CDH10: variants seen among roughly 807,000 people sequenced by gnomAD.
The protein encoded by CDH10 is cadherin-10.
In CDH10, 30 loss-of-function variants were observed where a neutral mutation model predicts 73.1. The ratio of observed to expected loss-of-function variants is 0.41; its 90% CI spans 0.31 to 0.56. The LOEUF is 0.56. Among genes scored for constraint, CDH10 ranks in the 20% least tolerant of loss-of-function variants. CDH10 has a pLI of 0.27. For synonymous variants in CDH10, 345 were observed against 348.2 expected (o/e 0.99, Z 0.10); for missense variants, 815 against 973.7 (o/e 0.84, Z 2.17).
At chr5:24,511,155 A>C (rs1179525947) in intron 6 of CDH10, among the ~76,000 whole-genome samples, 172 bp downstream of exon 6, 1 of 152,212 alleles carries the variant, frequency 6.6e-6, no homozygotes, top group East Asian at 1.9e-4. Context: ...ATGTGGTCAA[A>C]ATTTTCAAGG....
At chr5:24,521,316 G>A (rs937729499) in intron 5 of CDH10, among the ~76,000 whole-genome samples, 2 of 152,130 alleles carry the variant, frequency 1.3e-5, no homozygotes, top group Non-Finnish European at 2.9e-5. Context: ...AGGCCGAGGT[G>A]GGCGGATCAC....
In CDH10 at chr5:24,636,023, T is replaced by C. The variant is rs142016049; in HGVS notation, c.-124+8571A>G. Among the ~76,000 whole-genome samples, 999 of 151,652 alleles carry C rather than the reference T, an allele frequency of 6.6e-3. 13 individuals are homozygous for C. Among genetic ancestry groups the C allele is most frequent in the African/African-American group, 0.023 (954 of 41,338 alleles). On this transcript the variant is annotated intron_variant, in intron 1 of 11. Transcript: ENST00000264463. ...TATTTTAAAGTTGTAGCCCTAATGATATTAAGTGCTGTGGTAAAAATACAA... is the reference window on the plus strand; with the variant it reads ...TATTTTAAAGTTGTAGCCCTAATGACATTAAGTGCTGTGGTAAAAATACAA...
At chr5:24,541,806 C>A (rs917766479) in intron 2 of CDH10, among the ~76,000 whole-genome samples, 2 of 152,054 alleles carry the variant, frequency 1.3e-5, no homozygotes, top group African/African-American at 4.8e-5. Flanking sequence ...TAAAAATTCA[C>A]AACCTGCTGT....
chr5:24,535,140 G>A lies in CDH10; in HGVS notation c.786C>T (p.Val262=), dbSNP rs1419600429. ...TTTVNITLTD[V]NDNPPRFPQN... is the part of the protein sequence containing the mutation. ...GGGGGAAACGTGGTGGGTTGTCATTGACATCTGTCAGCGTGATGTTCACAG... is the reference window on the plus strand; with the variant it reads ...GGGGGAAACGTGGTGGGTTGTCATTAACATCTGTCAGCGTGATGTTCACAG... Residue 262 remains valine (V), a synonymous_variant, in exon 5 of 12, where the codon GTC becomes GTT. Transcript: ENST00000264463. 1.6e-5 allele frequency: 26 copies of A among 1,611,564 alleles called. No homozygotes were observed. Among genetic ancestry groups the A allele is most frequent in the Non-Finnish European group, 2.2e-5 (26 of 1,179,300 alleles).
chr5:24,558,933 C>T (rs886918404), intron 2 of CDH10, among the ~76,000 whole-genome samples: 2 of 151,808 alleles, frequency 1.3e-5, no homozygotes, highest in African/African-American at 2.4e-5. Context: ...TTAGTTCTAT[C>T]TCATTCAGCA....
At chr5:24,523,352 A>G (rs565383803) in intron 5 of CDH10, among the ~76,000 whole-genome samples, 1 of 152,266 alleles carries the variant, frequency 6.6e-6, no homozygotes, top group South Asian at 2.1e-4. Context: ...ATGTATATAT[A>G]CACACACATA....
chr5:24,522,565 C>T (rs914213788), intron 5 of CDH10, among the ~76,000 whole-genome samples: 1 of 152,072 alleles, frequency 6.6e-6, no homozygotes, highest in African/African-American at 2.4e-5. Flanking sequence ...GATTAGCCAG[C>T]CTGTGCTGGA....
At chr5:24,620,335 A>C (rs558209309) in intron 1 of CDH10, among the ~76,000 whole-genome samples, 1 of 152,226 alleles carries the variant, frequency 6.6e-6, no homozygotes, top group African/African-American at 2.4e-5. Flanking sequence ...TAAGATGTAC[A>C]TAAGCTCCCT....
intron 11 of CDH10, 55 bp from the exon 12 acceptor site, chr5:24,488,208 C>T (rs1741918573): frequency 4.3e-6 from 6 of 1,399,178 alleles, no homozygotes; most frequent in Non-Finnish European, 5.8e-6. Context: ...CTATAAATAA[C>T]GAGTGGAAAT....
intron 1 of CDH10, among the ~76,000 whole-genome samples, chr5:24,595,709 G>A (rs1746349636): frequency 6.6e-6 from 1 of 151,814 alleles, no homozygotes; most frequent in Admixed American, 6.6e-5. Flanking sequence ...TTCTACAAAA[G>A]CTTTAAAACC....
At chr5:24,617,107 T>C (rs948644444) in intron 1 of CDH10, among the ~76,000 whole-genome samples, 9 of 152,128 alleles carry the variant, frequency 5.9e-5, no homozygotes, top group African/African-American at 1.7e-4. Context: ...TCAGAGTTTA[T>C]CAAGAGTGGC....
chr5:24,573,194 G>A (rs72752012), intron 2 of CDH10, among the ~76,000 whole-genome samples: 10,020 of 151,736 alleles, frequency 0.066, 389 homozygotes, highest in Middle Eastern at 0.12. Context: ...AAAATTTGAA[G>A]AGTTAAAAAA....
At chr5:24,603,210 A>T (rs1746629426) in intron 1 of CDH10, among the ~76,000 whole-genome samples, 1 of 152,196 alleles carries the variant, frequency 6.6e-6, no homozygotes, top group Non-Finnish European at 1.5e-5. Flanking sequence ...CATCAGCTTT[A>T]GTTGTAAAGA....
chr5:24,533,030 A>C (rs2111866394), intron 5 of CDH10, among the ~76,000 whole-genome samples: 1 of 152,240 alleles, frequency 6.6e-6, no homozygotes, highest in African/African-American at 2.4e-5. Flanking sequence ...AAGGTCAGAT[A>C]AGGTTGTAAA....
At chr5:24,600,597 C>T (rs1285418840) in intron 1 of CDH10, among the ~76,000 whole-genome samples, 2 of 151,522 alleles carry the variant, frequency 1.3e-5, no homozygotes, top group Admixed American at 6.6e-5. Context: ...CGTCGGTGTG[C>T]GTGCGTGCGT....
intron 2 of CDH10, among the ~76,000 whole-genome samples, chr5:24,590,734 C>CT (rs1183423284): frequency 6.6e-6 from 1 of 152,014 alleles, no homozygotes; most frequent in Non-Finnish European, 1.5e-5. Context: ...CACACAGGTG[C>CT]TTTTTAGTCT....
intron 11 of CDH10, among the ~76,000 whole-genome samples, chr5:24,489,153 T>C (rs1485984295): frequency 6.6e-6 from 1 of 152,080 alleles, no homozygotes; most frequent in Non-Finnish European, 1.5e-5. Context: ...ACTGGATATA[T>C]ATATATGAAG....
chr5:24,525,396 T>C (rs1377788646), intron 5 of CDH10, among the ~76,000 whole-genome samples: 2 of 152,088 alleles, frequency 1.3e-5, no homozygotes, highest in Admixed American at 6.6e-5. Context: ...TTGCTTTGTG[T>C]ATAATCATAT....
chr5:24,497,420 G>A (rs1158544110), intron 9 of CDH10, among the ~76,000 whole-genome samples: 1 of 151,918 alleles, frequency 6.6e-6, no homozygotes, highest in Non-Finnish European at 1.5e-5. Context: ...AAGCAACTAA[G>A]TCATTTAAAT....
Sources: gnomAD v4.1 joint callset for allele counts (sites outside exome capture counted in the v4.1 genomes callset) on GRCh38, gnomAD v4.1.1 for gene constraint, MANE v1.5 for transcripts, NCBI Gene and HGNC (gene_info 2026-07-23, HGNC 2026-07-21) for gene names.